The following C10orf90 variants were observed in gnomAD, a reference collection of about 807,000 sequenced individuals.
C10orf90 encodes (E2-independent) E3 ubiquitin-conjugating enzyme FATS.
In C10orf90, 56 loss-of-function variants were observed where a neutral mutation model predicts 62.5. The observed-to-expected ratio is 0.90, with a 90% confidence interval of 0.72 to 1.12. The LOEUF (loss-of-function observed/expected upper bound fraction) is 1.12. Ranked by LOEUF, C10orf90 falls within the 50% of genes most tolerant of loss-of-function variation. The pLI is 0.00. For synonymous variants in C10orf90, 386 were observed against 340.4 expected, an observed-to-expected ratio of 1.13 and a Z score of -1.47; for missense variants, 970 against 880.4, an observed-to-expected ratio of 1.10 and a Z score of -1.29.
At chr10:126,577,950 G>T (rs183419651) in intron 2 of C10orf90, among the ~76,000 whole-genome samples, 2 of 152,152 alleles carry the variant, frequency 1.3e-5, no homozygotes, top group East Asian at 3.9e-4. Flanking sequence ...AAATGTATCT[G>T]GTCCCCTATT....
At chr10:126,443,194 C>T (rs185309027) in intron 7 of C10orf90, among the ~76,000 whole-genome samples, 42 of 151,992 alleles carry the variant, frequency 2.8e-4, no homozygotes, top group East Asian at 1.9e-3. Context: ...GAAACACACA[C>T]ATACACAAAT....
At chr10:126,645,258 T>TA (rs1182066967) in intron 2 of C10orf90, among the ~76,000 whole-genome samples, 5,559 of 66,264 alleles carry the variant, frequency 0.084, 321 homozygotes, top group African/African-American at 0.2. Flanking sequence ...ACTTAAAGTA[T>TA]AAAAAAAAAA....
intron 7 of C10orf90, among the ~76,000 whole-genome samples, chr10:126,434,674 T>G (rs1174473611): frequency 1.3e-5 from 2 of 152,162 alleles, no homozygotes; most frequent in Non-Finnish European, 2.9e-5. Context: ...GATTGGACCT[T>G]CACAAAGAAT....
At chr10:126,525,979 A>G (rs911660654) in intron 2 of C10orf90, among the ~76,000 whole-genome samples, 1 of 151,720 alleles carries the variant, frequency 6.6e-6, no homozygotes, top group African/African-American at 2.4e-5. Context: ...GGGTAGGCAC[A>G]TAAGAATCCA....
intron 2 of C10orf90, among the ~76,000 whole-genome samples, chr10:126,545,199 G>A (rs1421143810): frequency 6.6e-6 from 1 of 151,946 alleles, no homozygotes; most frequent in Non-Finnish European, 1.5e-5. Context: ...CTCATCCTCC[G>A]GAGCCAGGTC....
chr10:126,537,119 C>A (rs1300063186), intron 2 of C10orf90, among the ~76,000 whole-genome samples: 3 of 152,168 alleles, frequency 2.0e-5, no homozygotes, highest in Non-Finnish European at 4.4e-5. Flanking sequence ...ACTTCCCCTT[C>A]TCCTGCTAAG....
At chr10:126,482,579 G>C (rs982784029) in intron 4 of C10orf90, among the ~76,000 whole-genome samples, 1 of 152,214 alleles carries the variant, frequency 6.6e-6, no homozygotes, top group Non-Finnish European at 1.5e-5. Context: ...TGGAGAAGCT[G>C]AGAGCTCAAT....
At chr10:126,502,753 T>C (rs756111080) in intron 4 of C10orf90, 1 of 507,994 alleles carries the variant, frequency 2.0e-6, no homozygotes, top group Non-Finnish European at 4.0e-6. Context: ...AGTGCTTAGC[T>C]TGAGCAATCT....
chr10:126,500,462 G>T lies in C10orf90; in HGVS notation c.1534+3495C>A, dbSNP rs148584909. On this transcript the variant is annotated intron_variant, in intron 4 of 9. Coordinates refer to ENST00000488181, the MANE Select transcript of C10orf90 (RefSeq NM_001350921.2). ...ATTCAAAATAATGGATGCAGCCCAG[G>T]GCCTGGTGCCTAGGACTTCTAGAAC... Among the ~76,000 whole-genome samples the T allele has an allele frequency of 5.3e-4, 80 of 152,286 alleles. No individual in the cohort carries two copies. The East Asian group carries it at 0.011, about 21-fold the overall frequency.
At chr10:126,521,230 TG>T in intron 2 of C10orf90, 1 of 1,550,190 alleles carries the variant, frequency 6.5e-7, no homozygotes, top group Non-Finnish European at 8.9e-7. Flanking sequence ...ATACTCAGCG[TG>T]GACAGAATGA....
chr10:126,604,851 A>ACAAGAGGTATATGCATATCC (rs1845273721), intron 2 of C10orf90, among the ~76,000 whole-genome samples: 1 of 152,240 alleles, frequency 6.6e-6, no homozygotes, highest in South Asian at 2.1e-4. Flanking sequence ...ATAATAGGGC[A>ACAAGAGGTATATGCATATCC]CAAGAGGTAT....
At chr10:126,594,895 G>T (rs537187268) in intron 2 of C10orf90, among the ~76,000 whole-genome samples, 1 of 152,292 alleles carries the variant, frequency 6.6e-6, no homozygotes, top group Admixed American at 6.5e-5. Context: ...TTATTGGCAT[G>T]CCCGTGGGTC....
chr10:126,575,325 C>G (rs1298474837), intron 2 of C10orf90, among the ~76,000 whole-genome samples: 2 of 151,630 alleles, frequency 1.3e-5, no homozygotes, highest in Non-Finnish European at 3.0e-5. Flanking sequence ...CTTATAACAG[C>G]TACCAAAAAT....
At chr10:126,537,296 T>G (rs570846995) in intron 2 of C10orf90, among the ~76,000 whole-genome samples, 4 of 152,330 alleles carry the variant, frequency 2.6e-5, no homozygotes, top group Admixed American at 1.3e-4. Context: ...TAAATTATCC[T>G]CAGTTCTCTA....
rs577888537 is a variant in C10orf90, at chr10:126,460,477, G to T, written c.2010+924C>A. Among the ~76,000 whole-genome samples, 244 of 152,368 alleles carry T rather than the reference G, an allele frequency of 1.6e-3. 1 individual carries two copies. The highest frequency in any genetic ancestry group is 5.6e-3 in the African/African-American group (233 of 41,586). ...CTGTATCACATATGTGTCCCTGGCA[G>T]CTACACTGGGGGAGAAGTCTTCTTG... On this transcript the variant is annotated intron_variant, in intron 6 of 9. Coordinates refer to ENST00000488181, the MANE Select transcript of C10orf90 (RefSeq NM_001350921.2).
intron 2 of C10orf90, among the ~76,000 whole-genome samples, chr10:126,555,079 G>GGT (rs1259848016): frequency 2.0e-5 from 3 of 152,126 alleles, no homozygotes; most frequent in Non-Finnish European, 2.9e-5. Context: ...TCAGAGATGT[G>GGT]GCGTCTGCAC....
rs1212237008 is a variant in C10orf90, at chr10:126,436,889, C to A, written c.2189-7039G>T. Reference sequence around the variant, plus strand: ...TTGTTGCCCAAGATGGTCTTAAATTCCTGGCCTCAAGCTGTCCTCCCACCT... The same window carrying A: ...TTGTTGCCCAAGATGGTCTTAAATTACTGGCCTCAAGCTGTCCTCCCACCT... On this transcript the variant is annotated intron_variant, in intron 7 of 9. Transcript: ENST00000488181. Among the ~76,000 whole-genome samples, 4 of 152,160 alleles carry A rather than the reference C, an allele frequency of 2.6e-5. No homozygotes were observed. In the East Asian group the frequency reaches 7.7e-4, roughly 29 times the overall value.
rs186447669 is a variant in C10orf90 at position 126,586,068 on chromosome 10, A to C, written c.313+60497T>G. On this transcript the variant is annotated intron_variant, in intron 2 of 9. Transcript: ENST00000488181. ...TTTTCTTTCCAGCCTCTCAAAAGAT[A>C]AATGGTAAATACAAAATTTAAGTTG... Among the ~76,000 whole-genome samples, 412 of 152,354 alleles carry C rather than the reference A, an allele frequency of 2.7e-3. 3 individuals carry two copies. Among genetic ancestry groups the C allele is most frequent in the African/African-American group, 9.0e-3 (376 of 41,586 alleles).
chr10:126,579,646 T>G (rs930508192), intron 2 of C10orf90, among the ~76,000 whole-genome samples: 2 of 152,158 alleles, frequency 1.3e-5, no homozygotes, highest in Non-Finnish European at 2.9e-5. Context: ...TATTCATGGC[T>G]AGAGAAAAGA....
Sources: allele counts gnomAD v4.1 joint callset (sites outside exome capture counted in the v4.1 genomes callset), GRCh38; gene constraint gnomAD v4.1.1; transcripts MANE v1.5; gene names NCBI Gene and HGNC (gene_info 2026-07-23, HGNC 2026-07-21).